Variants in FAM174C observed in about 807,000 individuals in gnomAD.
FAM174C encodes the protein family with sequence similarity 174 member C, also known as protein FAM174C.
A neutral mutation model predicts 12.3 loss-of-function variants in FAM174C; 19 were observed. That is an observed-to-expected ratio of 1.55 (90% confidence interval 1.08 to 2.27). FAM174C has a LOEUF of 2.27. Among genes scored for constraint, FAM174C ranks in the 30% most tolerant of loss-of-function variants. FAM174C has a pLI of 0.00. For synonymous variants in FAM174C, 147 were observed against 103.5 expected, an observed-to-expected ratio of 1.42 and a Z score of -2.55; for missense variants, 239 against 190.2, an observed-to-expected ratio of 1.26 and a Z score of -1.51.
In FAM174C at chr19:1,277,219, C is replaced by G. The variant is rs555528240; in HGVS notation, c.318C>G (p.Leu106=). 6.5e-6 allele frequency: 10 copies of G among 1,548,678 alleles called. No homozygotes were observed. The highest frequency in any genetic ancestry group is 8.7e-6 in the Non-Finnish European group (10 of 1,145,322). Residue 106 remains leucine (L), a synonymous_variant, in exon 2 of 3, where the codon CTC becomes CTG. Coordinates refer to ENST00000409293, the MANE Select transcript of FAM174C (RefSeq NM_017914.4). The stretch of plus-strand genomic sequence containing the variant: ...CTCAGCGGAGGCGATACGGCCTCCT[C>G]GCCAACACTGAGGACCCCACGGAGA... ...KKPQRRRYGL[L]ANTEDPTEMA... is the part of the protein sequence containing the mutation.
In FAM174C at chr19:1,275,737, C is replaced by T. The variant is rs1178448527; in HGVS notation, c.188C>T (p.Pro63Leu). Reference protein sequence around the residue: ...APHNSTHTRPPGASGSALTRS... With the variant: ...APHNSTHTRPLGASGSALTRS... ...CACAACAGCACGCACACGCGTCCGC[C>T]GGGGGCGTCGGGCTCGGCGCTGACG... The change falls in exon 1 of 3, where the codon CCG becomes CTG. Residue 63 changes from proline (P) to leucine (L), a missense_variant. Transcript: ENST00000409293. 3 of 1,534,348 alleles carry T rather than the reference C, an allele frequency of 2.0e-6. No homozygotes were observed. The highest frequency in any genetic ancestry group is 2.0e-5 in the Admixed American group (1 of 50,512).
At position 1,279,198 on chromosome 19, in the gene FAM174C, T is replaced by A; in HGVS notation, c.*421T>A. On this transcript the variant is annotated 3_prime_UTR_variant, in exon 3 of 3. Coordinates refer to ENST00000409293, the MANE Select transcript of FAM174C (RefSeq NM_017914.4). ...TTCTGGGAACACCTTCTCGCCGGGC[T>A]GGGAACAATAAATGCAGCCATGTCT... 1 of 1,611,002 alleles carries A rather than the reference T, an allele frequency of 6.2e-7. No homozygotes were observed. Among genetic ancestry groups the A allele is most frequent in the Non-Finnish European group, 8.5e-7 (1 of 1,178,706 alleles).
intron 2 of FAM174C, among the ~76,000 whole-genome samples, 156 bp from the exon 3 acceptor site, chr19:1,278,621 A>T (rs2081426024): frequency 7.8e-6 from 1 of 127,756 alleles, no homozygotes. Context: ...CACAGGGCCC[A>T]GGAGGCCGGG....
At chr19:1,275,923 C>CCTCCCTCCCTCCCTCCCTCT (rs1483983593) in intron 1 of FAM174C, 93 bp downstream of exon 1, 143 of 930,492 alleles carry the variant, frequency 1.5e-4, no homozygotes, top group Middle Eastern at 3.4e-4. Flanking sequence ...TCCTCCCCTC[C>CCTCCCTCCCTCCCTCCCTCT]CTCCCTCCCT....
rs1600040169 is a variant in FAM174C, at chr19:1,275,569, A to C, written c.20A>C (p.Gln7Pro). The C allele has an allele frequency of 8.2e-7, 1 of 1,214,402 alleles. No individual in the cohort carries two copies. Among genetic ancestry groups the C allele is most frequent in the Non-Finnish European group, 1.0e-6 (1 of 980,790 alleles). The allele number at this position is 1,214,402 out of a possible 1,614,324, so 75.2% of individuals were successfully genotyped here. Residue 7 changes from glutamine to proline, a missense_variant, in exon 1 of 3, where the codon CAG becomes CCG. Physicochemically the swap from Gln to Pro is moderately conservative, Grantham distance 76. Transcript: ENST00000409293. MGPRVL[Q>P]PPLLLLLLAL... ...CGGGCCATGGGGCCGCGCGTGCTGC[A>C]GCCGCCGCTGCTGCTGCTCCTGCTG... is the stretch of plus-strand genomic sequence containing the variant.
At chr19:1,278,283 G>C (rs888982055) in intron 2 of FAM174C, among the ~76,000 whole-genome samples, 1 of 29,736 alleles carries the variant, frequency 3.4e-5, no homozygotes, top group South Asian at 1.1e-3. Context: ...AGCAGGGAGC[G>C]GCCGGGCTGC....
Position 1,278,871 on chromosome 19 carries a change from T to C in FAM174C, c.*94T>C. The C allele has an allele frequency of 6.2e-7, 1 of 1,613,054 alleles. No homozygotes were observed. The highest frequency in any genetic ancestry group is 1.3e-5 in the African/African-American group (1 of 75,034). ...GCCCAGCAACCCCCTGCTCCACCGC[T>C]CATTCCCCTGCTGGCCCCGGGGCTG... On this transcript the variant is annotated 3_prime_UTR_variant, in exon 3 of 3. Transcript: ENST00000409293.
intron 1 of FAM174C, 185 bp from the exon 2 acceptor site, chr19:1,276,998 A>G: frequency 1.1e-6 from 1 of 942,814 alleles, no homozygotes; most frequent in African/African-American, 1.7e-5. Flanking sequence ...TCTTACTGTC[A>G]TCGCCATGGG....
Position 1,278,851 on chromosome 19 carries a change from G to C in FAM174C, c.*74G>C, listed in dbSNP as rs778098549. On this transcript the variant is annotated 3_prime_UTR_variant, in exon 3 of 3. Transcript: ENST00000409293. ...GAGATGGGGCCCACCCCAGTGCCCA[G>C]CAACCCCCTGCTCCACCGCTCATTC... 6.8e-6 allele frequency: 11 copies of C among 1,612,860 alleles called. No individual in the cohort carries two copies. The highest frequency in any genetic ancestry group is 9.3e-6 in the Non-Finnish European group (11 of 1,179,824).
chr19:1,276,830 C>G (rs573981542), intron 1 of FAM174C: 1 of 167,784 alleles, frequency 6.0e-6, no homozygotes, highest in East Asian at 1.7e-4. Context: ...CCACCAGGGG[C>G]TTGGCCCTGA....
At chr19:1,276,609 G>C (rs1216538120) in intron 1 of FAM174C, 2 of 152,452 alleles carry the variant, frequency 1.3e-5, no homozygotes, top group Admixed American at 6.5e-5. Context: ...TACCCGCGCT[G>C]GTCTGAACTC....
rs773038386 is a variant in FAM174C, at chr19:1,275,771, C to G, written c.222C>G (p.Phe74Leu). 6.5e-7 allele frequency: 1 copy of G among 1,539,762 alleles called. No individual in the cohort carries two copies. The highest frequency in any genetic ancestry group is 8.7e-7 in the Non-Finnish European group (1 of 1,146,194). Reference sequence around the variant, plus strand: ...CGGGCTCGGCGCTGACGCGCTCCTTCTACGTGATCCTGGGCTTCTGCGGCC... The same window carrying G: ...CGGGCTCGGCGCTGACGCGCTCCTTGTACGTGATCCTGGGCTTCTGCGGCC... ...GASGSALTRS[F>L]YVILGFCGLT... Residue 74 changes from phenylalanine (F) to leucine (L), a missense_variant, in exon 1 of 3, where the codon TTC becomes TTG. Physicochemically the swap from Phe to Leu is conservative, Grantham distance 22. Transcript: ENST00000409293.
rs1174323188 is a variant in FAM174C at position 1,275,754 on chromosome 19, G to A, written c.205G>A (p.Ala69Thr). 4 of 1,538,396 alleles carry A rather than the reference G, an allele frequency of 2.6e-6. No homozygotes were observed. Among genetic ancestry groups the A allele is most frequent in the African/African-American group, 1.4e-5 (1 of 72,458 alleles). The change falls in exon 1 of 3, where the codon GCG becomes ACG. Residue 69 changes from alanine (A) to threonine (T), a missense_variant. By Grantham distance (58) the Ala-to-Thr change is moderately conservative (BLOSUM62 0). Coordinates refer to ENST00000409293, the MANE Select transcript of FAM174C (RefSeq NM_017914.4). ...HTRPPGASGSALTRSFYVILG... is the reference protein window; with the variant it reads ...HTRPPGASGSTLTRSFYVILG... Reference sequence around the variant, plus strand: ...GCGTCCGCCGGGGGCGTCGGGCTCGGCGCTGACGCGCTCCTTCTACGTGAT... The same window carrying A: ...GCGTCCGCCGGGGGCGTCGGGCTCGACGCTGACGCGCTCCTTCTACGTGAT...
In FAM174C at chr19:1,275,973, T is replaced by C; in HGVS notation, c.281+143T>C. 4 of 788,094 alleles carry C rather than the reference T, an allele frequency of 5.1e-6. No individual in the cohort carries two copies. In the South Asian group the frequency reaches 7.1e-5, roughly 14 times the overall value. 48.8% of individuals were successfully genotyped at this position (788,094 alleles called of 1,614,324 possible). A position where few individuals can be genotyped will look rare whatever the true frequency, so the allele number is the denominator to read the frequency against. On this transcript the variant is annotated intron_variant, in intron 1 of 2. Coordinates refer to ENST00000409293, the MANE Select transcript of FAM174C (RefSeq NM_017914.4). ...CTGTTGGAGTGGGCGTGGGCGGTGC[T>C]GTGCGGGGTCGTCACGTGGTGTGGG...
chr19:1,275,824 C>A lies in FAM174C; in HGVS notation c.275C>A (p.Ala92Glu). ...ACCGCGCTCTACTTCCTGATCCGGG[C>A]GTTTAGGTGCGTCAGGCGCACGTGG... ...GLTALYFLIR[A>E]FRLKKPQRRR... The change falls in exon 1 of 3, where the codon GCG becomes GAG. Residue 92 changes from alanine (A) to glutamate (E), a missense_variant. Ala to Glu is a moderately radical substitution (Grantham distance 107). Coordinates refer to ENST00000409293, the MANE Select transcript of FAM174C (RefSeq NM_017914.4). 1 of 1,536,398 alleles carries A rather than the reference C, an allele frequency of 6.5e-7. No homozygotes were observed. The highest frequency in any genetic ancestry group is 1.4e-5 in the African/African-American group (1 of 72,968).
At chr19:1,276,724 CT>C (rs2081417102) in intron 1 of FAM174C, 2 of 155,018 alleles carry the variant, frequency 1.3e-5, no homozygotes, top group South Asian at 3.8e-4. Flanking sequence ...TGTGCAGAGC[CT>C]CCCCTGTGCT....
At position 1,275,711 on chromosome 19, in the gene FAM174C, A is replaced by C; in HGVS notation, c.162A>C (p.Pro54=). ...AVTNGSQPGA[P]HNSTHTRPPG... Reference sequence around the variant, plus strand: ...CGAACGGGAGCCAGCCGGGCGCGCCACACAACAGCACGCACACGCGTCCGC... The same window carrying C: ...CGAACGGGAGCCAGCCGGGCGCGCCCCACAACAGCACGCACACGCGTCCGC... The change falls in exon 1 of 3, where the codon CCA becomes CCC. Residue 54 remains proline (P), a synonymous_variant. Coordinates refer to ENST00000409293, the MANE Select transcript of FAM174C (RefSeq NM_017914.4). The C allele has an allele frequency of 6.6e-7, 1 of 1,514,478 alleles. No homozygotes were observed. Among genetic ancestry groups the C allele is most frequent in the Non-Finnish European group, 8.8e-7 (1 of 1,137,390 alleles). 93.8% of individuals were successfully genotyped at this position (1,514,478 alleles called of 1,614,324 possible). A position where few individuals can be genotyped will look rare whatever the true frequency, so the allele number is the denominator to read the frequency against.
At position 1,277,421 on chromosome 19, in the gene FAM174C, C is replaced by T. The variant is rs1405540490; in HGVS notation, c.398+122C>T. The stretch of plus-strand genomic sequence containing the variant: ...TGCAATCACAGCTGACAGCGGTAGT[C>T]AGGCCATGGCCCCACTGGGCAGGGC... On this transcript the variant is annotated intron_variant, in intron 2 of 2. Coordinates refer to ENST00000409293, the MANE Select transcript of FAM174C (RefSeq NM_017914.4). 3.5e-6 allele frequency: 5 copies of T among 1,415,716 alleles called. No individual in the cohort carries two copies. In the East Asian group the frequency reaches 7.8e-5, roughly 22 times the overall value. The allele number at this position is 1,415,716 out of a possible 1,614,324, so 87.7% of individuals were successfully genotyped here.
At chr19:1,276,019 T>C (rs1467297171) in intron 1 of FAM174C, 189 bp downstream of exon 1, 1 of 573,548 alleles carries the variant, frequency 1.7e-6, no homozygotes, top group Non-Finnish European at 3.0e-6. Flanking sequence ...GCCACGGGAC[T>C]CACCCGCTCT....
Sources: gnomAD v4.1 joint callset for allele counts (sites outside exome capture counted in the v4.1 genomes callset) on GRCh38, gnomAD v4.1.1 for gene constraint, MANE v1.5 for transcripts, NCBI Gene and HGNC (gene_info 2026-07-23, HGNC 2026-07-21) for gene names.